ELMO1: variants seen among roughly 807,000 people sequenced by gnomAD.
The protein encoded by ELMO1 is engulfment and cell motility protein 1.
ELMO1 carries 26 observed loss-of-function variants against 98.9 expected under a neutral mutation model. The observed-to-expected ratio is 0.26, with a 90% CI of 0.19 to 0.36. The LOEUF (loss-of-function observed/expected upper bound fraction) is 0.36, where lower values mean the gene tolerates loss of function less well. ELMO1 is among the 10% of genes least tolerant of loss of function. The pLI is 1.00. For synonymous variants in ELMO1, 346 were observed against 346.0 expected (o/e 1.00, Z 0.00); for missense variants, 627 against 935.2 (o/e 0.67, Z 4.30).
intron 1 of ELMO1, among the ~76,000 whole-genome samples, chr7:37,422,826 C>T (rs1321672626): frequency 6.6e-6 from 1 of 152,208 alleles, no homozygotes; most frequent in Non-Finnish European, 1.5e-5. Context: ...AAGGCCATTT[C>T]AGACTCTCTG....
intron 16 of ELMO1, among the ~76,000 whole-genome samples, chr7:36,990,140 G>A (rs1791776110): frequency 6.6e-6 from 1 of 152,138 alleles, no homozygotes; most frequent in Non-Finnish European, 1.5e-5. Flanking sequence ...ATTTTTGCAT[G>A]GGATCTTGTC....
intron 16 of ELMO1, among the ~76,000 whole-genome samples, chr7:36,934,642 A>G (rs1786351435): frequency 6.6e-6 from 1 of 152,252 alleles, no homozygotes; most frequent in South Asian, 2.1e-4. Context: ...AACAATTAGC[A>G]TGAAGGTTAA....
At chr7:37,025,988 G>C (rs1794554280) in intron 15 of ELMO1, among the ~76,000 whole-genome samples, 1 of 151,502 alleles carries the variant, frequency 6.6e-6, no homozygotes, top group Non-Finnish European at 1.5e-5. Flanking sequence ...AGAAGGAGGA[G>C]CAGAAGATGA....
chr7:37,267,056 C>T (rs867244693), intron 5 of ELMO1, among the ~76,000 whole-genome samples: 1,733 of 140,742 alleles, frequency 0.012, 117 homozygotes, highest in African/African-American at 0.042. Flanking sequence ...CACACACACA[C>T]ACACACACAC....
At chr7:37,319,381 T>C (rs989818529) in intron 2 of ELMO1, among the ~76,000 whole-genome samples, 5 of 152,176 alleles carry the variant, frequency 3.3e-5, no homozygotes, top group African/African-American at 1.2e-4. Flanking sequence ...TGTAGCTGTT[T>C]CCTCTGTGAT....
At position 37,416,075 on chromosome 7, in the gene ELMO1, G is replaced by A. The variant is rs140572430; in HGVS notation, c.-74+32600C>T. Among the ~76,000 whole-genome samples the A allele has an allele frequency of 5.4e-3, 823 of 152,242 alleles. 9 individuals are homozygous for A. The highest frequency in any genetic ancestry group is 0.019 in the African/African-American group (777 of 41,544). On this transcript the variant is annotated intron_variant, in intron 1 of 21. Coordinates refer to ENST00000310758, the MANE Select transcript of ELMO1 (RefSeq NM_014800.11). ...TTCAAACCTGTGTTTTCAGATTTGC[G>A]GCTGACCTACAACAGAAATAAATGA... is the stretch of plus-strand genomic sequence containing the variant.
chr7:37,088,542 G>A (rs1562992764), intron 15 of ELMO1, among the ~76,000 whole-genome samples: 1 of 152,180 alleles, frequency 6.6e-6, no homozygotes, highest in Non-Finnish European at 1.5e-5. Context: ...TCTCAGATGA[G>A]AATGATGACG....
chr7:36,906,323 A>G (rs1783956316), intron 16 of ELMO1, among the ~76,000 whole-genome samples: 1 of 152,240 alleles, frequency 6.6e-6, no homozygotes, highest in Admixed American at 6.5e-5. Flanking sequence ...CCCTTTTAGC[A>G]CAGATCAAAC....
At chr7:36,908,693 G>A (rs1015501466) in intron 16 of ELMO1, among the ~76,000 whole-genome samples, 4 of 152,162 alleles carry the variant, frequency 2.6e-5, no homozygotes, top group East Asian at 1.9e-4. Context: ...TAAGAAGAGC[G>A]TACATCTTAT....
At chr7:37,209,105 G>A (rs1220599593) in intron 13 of ELMO1, among the ~76,000 whole-genome samples, 2 of 151,952 alleles carry the variant, frequency 1.3e-5, no homozygotes, top group Non-Finnish European at 2.9e-5. Context: ...AACTGTACAA[G>A]GAATTAACAA....
At chr7:37,042,649 T>C (rs1795584934) in intron 15 of ELMO1, among the ~76,000 whole-genome samples, 1 of 152,202 alleles carries the variant, frequency 6.6e-6, no homozygotes, top group African/African-American at 2.4e-5. Flanking sequence ...ACTTCCAAAA[T>C]CTGAGACATC....
chr7:37,035,303 A>C (rs911544101), intron 15 of ELMO1, among the ~76,000 whole-genome samples: 6 of 152,188 alleles, frequency 3.9e-5, no homozygotes, highest in Non-Finnish European at 7.4e-5. Context: ...TAAATTCTCC[A>C]GATTTTGATC....
chr7:37,369,967 A>T (rs1410613524), intron 1 of ELMO1, among the ~76,000 whole-genome samples: 2 of 152,098 alleles, frequency 1.3e-5, no homozygotes, highest in African/African-American at 4.8e-5. Flanking sequence ...AAGTTCCCTT[A>T]TCTGATTGAG....
intron 16 of ELMO1, among the ~76,000 whole-genome samples, chr7:36,958,241 C>CT: frequency 6.6e-6 from 1 of 152,306 alleles, no homozygotes; most frequent in Non-Finnish European, 1.5e-5. Flanking sequence ...CAAAACCAAC[C>CT]TAGCTTAAAT....
intron 15 of ELMO1, among the ~76,000 whole-genome samples, chr7:37,086,453 G>C (rs1783783012): frequency 6.6e-6 from 1 of 151,480 alleles, no homozygotes; most frequent in East Asian, 1.9e-4. Context: ...GGGTGAATGA[G>C]TTATTTTGGC....
At chr7:36,951,053 A>G (rs1259426230) in intron 16 of ELMO1, among the ~76,000 whole-genome samples, 1 of 152,214 alleles carries the variant, frequency 6.6e-6, no homozygotes, top group African/African-American at 2.4e-5. Context: ...TTTCTAAAAC[A>G]TATCTCACAA....
At chr7:36,982,115 T>G (rs1037271882) in intron 16 of ELMO1, among the ~76,000 whole-genome samples, 1 of 152,216 alleles carries the variant, frequency 6.6e-6, no homozygotes, top group East Asian at 1.9e-4. Flanking sequence ...TCATTTAAAT[T>G]TAAAAACCAA....
At chr7:37,383,014 T>C (rs2131391632) in intron 1 of ELMO1, among the ~76,000 whole-genome samples, 1 of 152,346 alleles carries the variant, frequency 6.6e-6, no homozygotes, top group South Asian at 2.1e-4. Flanking sequence ...TTCCCCTCCA[T>C]ACTTCAATGT....
At position 36,977,833 on chromosome 7, in the gene ELMO1, G is replaced by A. The variant is rs73117517; in HGVS notation, c.1437+35466C>T. Among the ~76,000 whole-genome samples, 1,293 of 152,294 alleles carry A rather than the reference G, an allele frequency of 8.5e-3. 5 individuals are homozygous for A. Among genetic ancestry groups the A allele is most frequent in the Admixed American group, 0.015 (234 of 15,300 alleles). On this transcript the variant is annotated intron_variant, in intron 16 of 21. Coordinates refer to ENST00000310758, the MANE Select transcript of ELMO1 (RefSeq NM_014800.11). ...AGTTTTTGAAAGTGGATAAATTTTC[G>A]TCAGGTAAACAGGCATGGAAATGAA...
Sources: gnomAD v4.1 joint callset for allele counts (sites outside exome capture counted in the v4.1 genomes callset) on GRCh38, gnomAD v4.1.1 for gene constraint, MANE v1.5 for transcripts, NCBI Gene and HGNC (gene_info 2026-07-23, HGNC 2026-07-21) for gene names.